The following CELF2 variants were observed in gnomAD, a reference collection of about 807,000 sequenced individuals.
The protein encoded by CELF2 is CUG triplet repeat RNA-binding protein 2.
A neutral mutation model predicts 62.6 loss-of-function variants in CELF2; 8 were observed. That is an observed-to-expected ratio of 0.13 (90% CI 0.07 to 0.23). CELF2 has a LOEUF of 0.23. CELF2 is among the 10% of genes least tolerant of loss of function. The pLI, the probability that CELF2 is intolerant of heterozygous loss-of-function variation, is 1.00. For missense variants in CELF2, 333 were observed against 671.0 expected, an observed-to-expected ratio of 0.50 and a Z score of 5.56; for synonymous variants, 258 against 250.0, an observed-to-expected ratio of 1.03 and a Z score of -0.30.
intron 1 of CELF2, among the ~76,000 whole-genome samples, chr10:11,122,595 T>G (rs2057965683): frequency 6.6e-6 from 1 of 152,248 alleles, no homozygotes; most frequent in African/African-American, 2.4e-5. Context: ...GAAGGCTTCC[T>G]CACTTGATAA....
chr10:10,519,551 G>T, the CELF2 span, among the ~76,000 whole-genome samples: 459 of 152,284 alleles, frequency 3.0e-3, 1 homozygote, highest in African/African-American at 0.011. Context: ...GATGTATCCT[G>T]TGAAAGCCAA....
the CELF2 span, among the ~76,000 whole-genome samples, chr10:10,605,269 CG>C: frequency 7.2e-5 from 10 of 137,980 alleles, no homozygotes; most frequent in African/African-American, 2.7e-4. Flanking sequence ...TGAGGCTTGT[CG>C]GGGGGTGGGG....
chr10:11,150,461 C>A (rs575441369), intron 1 of CELF2, among the ~76,000 whole-genome samples: 1 of 152,294 alleles, frequency 6.6e-6, no homozygotes, highest in African/African-American at 2.4e-5. Context: ...TGTTTAGTTT[C>A]TTTTGTTTGA....
At position 11,207,927 on chromosome 10, in the gene CELF2, G is replaced by A. The variant is rs2060831186; in HGVS notation, c.272-9498G>A. Among the ~76,000 whole-genome samples the A allele has an allele frequency of 6.6e-6, 1 of 152,204 alleles. No individual in the cohort carries two copies. Among genetic ancestry groups the A allele is most frequent in the African/African-American group, 2.4e-5 (1 of 41,448 alleles). Reference sequence around the variant, plus strand: ...GGTTGTGTTAGGTGACTGTTGGAGAGACATTTCAGATGAGAGGTTTAGGTT... The same window carrying A: ...GGTTGTGTTAGGTGACTGTTGGAGAAACATTTCAGATGAGAGGTTTAGGTT... On this transcript the variant is annotated intron_variant, in intron 2 of 12. Coordinates refer to ENST00000633077, the MANE Select transcript of CELF2 (RefSeq NM_001326342.2). This position sits in a 1 kb window ranked among gnomAD's most constrained non-coding sequence, Gnocchi z 4.1.
chr10:10,508,763 G>C, the CELF2 span, among the ~76,000 whole-genome samples: 4 of 151,440 alleles, frequency 2.6e-5, no homozygotes, highest in Non-Finnish European at 5.9e-5. Flanking sequence ...ATGCAATGGC[G>C]TGATCTCGGC....
chr10:11,133,761 C>G (rs1055406568), intron 1 of CELF2, among the ~76,000 whole-genome samples: 5 of 152,172 alleles, frequency 3.3e-5, no homozygotes, highest in African/African-American at 9.7e-5. Context: ...CTTGGCCTGA[C>G]TTTGGGGTCT....
the CELF2 span, among the ~76,000 whole-genome samples, chr10:10,550,204 T>G: frequency 2.6e-5 from 4 of 152,326 alleles, no homozygotes; most frequent in East Asian, 7.7e-4. Flanking sequence ...AAAGAAAATG[T>G]TACTAAGCCA....
chr10:11,003,426 G>C (rs958814776), upstream of CELF2, among the ~76,000 whole-genome samples: 7 of 152,144 alleles, frequency 4.6e-5, no homozygotes, highest in Admixed American at 1.3e-4. The surrounding 1 kb of genome is among the most constrained non-coding windows in gnomAD (Gnocchi z 4.4). Flanking sequence ...TGCAAAAAGG[G>C]CTTTGTGTCC....
chr10:10,620,450 CAAAAAA>C, the CELF2 span, among the ~76,000 whole-genome samples: 1 of 88,254 alleles, frequency 1.1e-5, no homozygotes, highest in Non-Finnish European at 2.1e-5. Flanking sequence ...GGCTCAGTCT[CAAAAAA>C]AAAAAAAAAA....
chr10:10,955,535 C>T (rs962929207), intron 2 of CELF2, among the ~76,000 whole-genome samples: 2 of 152,184 alleles, frequency 1.3e-5, no homozygotes, highest in African/African-American at 2.4e-5. Flanking sequence ...ACATTCTCGA[C>T]GTATGAACTC....
chr10:11,154,813 G>A (rs979025795), intron 1 of CELF2, among the ~76,000 whole-genome samples: 1 of 152,154 alleles, frequency 6.6e-6, no homozygotes, highest in South Asian at 2.1e-4. Flanking sequence ...ACTCCCAAAA[G>A]GGAACAACTC....
At chr10:10,494,389 A>G in the CELF2 span, among the ~76,000 whole-genome samples, 11 of 152,200 alleles carry the variant, frequency 7.2e-5, no homozygotes, top group Admixed American at 5.2e-4. Context: ...GTAACTCAAC[A>G]TCTTTGACTA....
the CELF2 span, among the ~76,000 whole-genome samples, chr10:10,544,871 C>T: frequency 1.3e-5 from 2 of 152,146 alleles, no homozygotes; most frequent in Non-Finnish European, 1.5e-5. Flanking sequence ...AAATCACTCC[C>T]GAATTTGATA....
the CELF2 span, among the ~76,000 whole-genome samples, chr10:10,471,976 C>G: frequency 6.6e-6 from 1 of 151,754 alleles, no homozygotes; most frequent in Non-Finnish European, 1.5e-5. Context: ...CAATCAAAGC[C>G]TTCTTCTCCT....
chr10:11,155,065 G>A (rs2064053918), intron 1 of CELF2, among the ~76,000 whole-genome samples: 1 of 152,166 alleles, frequency 6.6e-6, no homozygotes, highest in Non-Finnish European at 1.5e-5. Context: ...CATCCCTGAG[G>A]AATGAGCCAG....
At chr10:11,148,689 T>A (rs1198509336) in intron 1 of CELF2, among the ~76,000 whole-genome samples, 5 of 152,186 alleles carry the variant, frequency 3.3e-5, no homozygotes, top group Non-Finnish European at 7.4e-5. Context: ...AATGTATGCT[T>A]TCATACATAA....
chr10:11,286,365 C>T (rs1311450130), intron 8 of CELF2, among the ~76,000 whole-genome samples: 1 of 152,230 alleles, frequency 6.6e-6, no homozygotes, highest in Non-Finnish European at 1.5e-5. Flanking sequence ...TTCTTGTGTG[C>T]TCAGCCATAT....
Position 11,217,549 on chromosome 10 carries a change from G to A in CELF2, c.354+42G>A. The A allele has an allele frequency of 6.9e-7, 1 of 1,440,584 alleles. No individual in the cohort carries two copies. The highest frequency in any genetic ancestry group is 1.2e-5 in the South Asian group (1 of 84,394). The allele number at this position is 1,440,584 out of a possible 1,614,324, so 89.2% of individuals were successfully genotyped here. A position where few individuals can be genotyped will look rare whatever the true frequency, so the allele number is the denominator to read the frequency against. On this transcript the variant is annotated intron_variant, in intron 3 of 12. Transcript: ENST00000633077. This position sits in a 1 kb window ranked among gnomAD's most constrained non-coding sequence, Gnocchi z 5.6. ...TTGTACCAGAATCACTTTATTGCTT[G>A]AAAATGGTCCTTTCAACTGAAGGTT...
At chr10:11,162,900 A>G (rs895373632) in intron 1 of CELF2, among the ~76,000 whole-genome samples, 2 of 152,180 alleles carry the variant, frequency 1.3e-5, no homozygotes, top group Non-Finnish European at 2.9e-5. Context: ...TACAGATAAG[A>G]GTCTGAAGCC....
Sources: gnomAD v4.1 joint callset for allele counts (sites outside exome capture counted in the v4.1 genomes callset) on GRCh38, gnomAD v4.1.1 for gene constraint, Gnocchi (gnomAD v3.1) non-coding constraint, MANE v1.5 for transcripts, NCBI Gene and HGNC (gene_info 2026-07-23, HGNC 2026-07-21) for gene names.